MEF2B: variants seen among roughly 807,000 people sequenced by gnomAD.
MEF2B encodes myocyte-specific enhancer factor 2B.
A neutral mutation model predicts 32.2 loss-of-function variants in MEF2B; 15 were observed. The observed-to-expected ratio is 0.47, with a 90% CI of 0.31 to 0.72. MEF2B has a LOEUF of 0.72. MEF2B is among the 30% of genes least tolerant of loss of function. The pLI is 0.05. For missense variants in MEF2B, 441 were observed against 511.5 expected, an observed-to-expected ratio of 0.86 and a Z score of 1.33; for synonymous variants, 205 against 225.6, an observed-to-expected ratio of 0.91 and a Z score of 0.82.
At chr19:19,160,951 C>A (rs560842666) in intron 1 of MEF2B, among the ~76,000 whole-genome samples, 1 of 152,080 alleles carries the variant, frequency 6.6e-6, no homozygotes, top group Non-Finnish European at 1.5e-5. Context: ...GGTGACCTGG[C>A]GGCCTGGCTC....
chr19:19,169,831 T>C (rs2146392243), intron 1 of MEF2B, among the ~76,000 whole-genome samples: 1 of 152,088 alleles, frequency 6.6e-6, no homozygotes, highest in African/African-American at 2.4e-5. Context: ...GCGCTAATGC[T>C]AAAGGAGTGC....
At chr19:19,164,026 G>C (rs1224378825) in intron 1 of MEF2B, among the ~76,000 whole-genome samples, 1 of 151,936 alleles carries the variant, frequency 6.6e-6, no homozygotes, top group African/African-American at 2.4e-5. Context: ...AAGTGCAGTG[G>C]TGCGATCTCA....
rs549995998 is a variant in MEF2B, at chr19:19,157,531, C to T, written c.-29-6767G>A. Among the ~76,000 whole-genome samples, 9 of 152,260 alleles carry T rather than the reference C, an allele frequency of 5.9e-5. No individual in the cohort carries two copies. The South Asian group carries it at 1.9e-3, about 32-fold the overall frequency. On this transcript the variant is annotated intron_variant, in intron 1 of 8. Transcript: ENST00000424583. ...AAGATGCACTGTGTGATTTTATTTACATGAAGTTTCAGAACAATCAAAACT... is the reference window on the plus strand; with the variant it reads ...AAGATGCACTGTGTGATTTTATTTATATGAAGTTTCAGAACAATCAAAACT...
intron 1 of MEF2B, among the ~76,000 whole-genome samples, chr19:19,157,838 ACT>A (rs1287087746): frequency 6.6e-6 from 1 of 151,984 alleles, no homozygotes; most frequent in African/African-American, 2.4e-5. Context: ...ACAGAGCGAG[ACT>A]CTGTGTCAAA....
intron 1 of MEF2B, among the ~76,000 whole-genome samples, chr19:19,164,839 C>T (rs1490099458): frequency 6.6e-6 from 1 of 152,176 alleles, no homozygotes; most frequent in Admixed American, 6.5e-5. Flanking sequence ...CCCTCTCAGG[C>T]CCCTAGTGAT....
intron 1 of MEF2B, among the ~76,000 whole-genome samples, chr19:19,166,018 C>T (rs956273741): frequency 8.5e-5 from 13 of 152,094 alleles, no homozygotes; most frequent in South Asian, 4.1e-4. Flanking sequence ...ACTGTCTGCC[C>T]GGGCCCACAC....
intron 1 of MEF2B, among the ~76,000 whole-genome samples, chr19:19,162,600 C>A (rs936714956): frequency 3.3e-5 from 5 of 152,292 alleles, no homozygotes; most frequent in East Asian, 1.9e-4. Context: ...CCTCTGGCAC[C>A]CATGGGGAAA....
intron 1 of MEF2B, among the ~76,000 whole-genome samples, chr19:19,161,889 C>T (rs1035052111): frequency 2.6e-5 from 4 of 151,616 alleles, no homozygotes; most frequent in African/African-American, 9.7e-5. Flanking sequence ...CTCCCTGCAA[C>T]CCCTGCCTCC....
rs2146348810 is a variant in MEF2B at position 19,145,993 on chromosome 19, G to A, written c.911C>T (p.Pro304Leu). The A allele has an allele frequency of 7.0e-7, 1 of 1,435,374 alleles. No individual in the cohort carries two copies. The highest frequency in any genetic ancestry group is 9.1e-7 in the Non-Finnish European group (1 of 1,096,084). The allele number at this position is 1,435,374 out of a possible 1,614,324, so 88.9% of individuals were successfully genotyped here. Residue 304 changes from proline (P) to leucine (L), a missense_variant, in exon 9 of 9, where the codon CCC becomes CTC. Coordinates refer to ENST00000424583, the MANE Select transcript of MEF2B (RefSeq NM_001145785.2). The surrounding 1 kb of genome is among the most constrained non-coding windows in gnomAD (Gnocchi z 4.6). ...SGGRSLGEEG[P>L]PTRGASPPTP... ...CGGCGGGGAGGCGCCGCGGGTTGGG[G>A]GACCCTCCTCGCCCAGGCTTCGGCC...
Position 19,146,551 on chromosome 19 carries a change from G to A in MEF2B, c.769+4C>T. 6.4e-7 allele frequency: 1 copy of A among 1,552,520 alleles called. No homozygotes were observed. The stretch of plus-strand genomic sequence containing the variant: ...GGTGGGGCAGGGCAGGTTAGGGGAT[G>A]TACCTGGGGGGCCTCCGGGGAGGAA... On this transcript the variant is annotated splice_donor_region_variant and intron_variant, in intron 7 of 8. Transcript: ENST00000424583.
chr19:19,159,192 C>T (rs1192324685), intron 1 of MEF2B, among the ~76,000 whole-genome samples: 4 of 147,560 alleles, frequency 2.7e-5, no homozygotes, highest in African/African-American at 1.0e-4. Flanking sequence ...CCACCAGTCT[C>T]GGCCTCCCAA....
chr19:19,146,388 G>A lies in MEF2B; in HGVS notation c.770-4C>T. 2.7e-6 allele frequency: 3 copies of A among 1,105,738 alleles called. No homozygotes were observed. Among genetic ancestry groups the A allele is most frequent in the Non-Finnish European group, 3.7e-6 (3 of 814,796 alleles). The allele number at this position is 1,105,738 out of a possible 1,614,324, so 68.5% of individuals were successfully genotyped here. A position where few individuals can be genotyped will look rare whatever the true frequency, so the allele number is the denominator to read the frequency against. ...GGAGGGTCTCCCAGGCCATATTCTGGTGGGCAGGAATTGGGGGCTGAGGCC... is the reference window on the plus strand; with the variant it reads ...GGAGGGTCTCCCAGGCCATATTCTGATGGGCAGGAATTGGGGGCTGAGGCC... On this transcript the variant is annotated splice_polypyrimidine_tract_variant and splice_region_variant and intron_variant, in intron 7 of 8. Coordinates refer to ENST00000424583, the MANE Select transcript of MEF2B (RefSeq NM_001145785.2).
chr19:19,146,495 C>T (rs1778533954), intron 7 of MEF2B, 60 bp downstream of exon 7: 8 of 1,451,674 alleles, frequency 5.5e-6, no homozygotes, highest in Middle Eastern at 1.8e-4. Context: ...GGTGTGGAAC[C>T]CCCAGAGGGC....
At chr19:19,147,913 C>A in intron 3 of MEF2B, 81 bp from the exon 4 acceptor site, 1 of 1,518,666 alleles carries the variant, frequency 6.6e-7, no homozygotes, top group South Asian at 1.3e-5. Flanking sequence ...AGGGGACAGA[C>A]CATCCCCACC....
Position 19,163,231 on chromosome 19 carries a change from C to G in MEF2B, c.-30+6974G>C, listed in dbSNP as rs2060180287. Reference sequence around the variant, plus strand: ...AGTGCAGTGGTGTGGTCTCGACTCACTGCAGCCTGGCCCTCCCGGACTCAA... The same window carrying G: ...AGTGCAGTGGTGTGGTCTCGACTCAGTGCAGCCTGGCCCTCCCGGACTCAA... On this transcript the variant is annotated intron_variant, in intron 1 of 8. Transcript: ENST00000424583. Among the ~76,000 whole-genome samples the G allele has an allele frequency of 2.0e-5, 3 of 152,124 alleles. No homozygotes were observed. In the South Asian group the frequency reaches 6.2e-4, roughly 32 times the overall value.
At chr19:19,150,198 A>C (rs1305940354) in intron 2 of MEF2B, among the ~76,000 whole-genome samples, 2 of 124,316 alleles carry the variant, frequency 1.6e-5, no homozygotes, top group South Asian at 3.1e-4. Flanking sequence ...GAAGGAAGGA[A>C]GGAAGGAAGG....
chr19:19,164,464 C>G (rs922737521), intron 1 of MEF2B, among the ~76,000 whole-genome samples: 1 of 152,174 alleles, frequency 6.6e-6, no homozygotes, highest in Non-Finnish European at 1.5e-5. Context: ...AAAACCACGT[C>G]CAGGTGACCA....
intron 1 of MEF2B, among the ~76,000 whole-genome samples, chr19:19,165,982 A>G (rs1247710000): frequency 6.6e-6 from 1 of 152,116 alleles, no homozygotes; most frequent in Non-Finnish European, 1.5e-5. Flanking sequence ...CACAGCCCAG[A>G]TGGGACCTTC....
In MEF2B at chr19:19,149,402, G is replaced by C. The variant is rs759640726; in HGVS notation, c.82C>G (p.Leu28Val). 1 of 1,614,034 alleles carries C rather than the reference G, an allele frequency of 6.2e-7. No homozygotes were observed. ...QVTFTKRKFG[L>V]MKKAYELSVL... ...CTCAGCTCATAGGCCTTCTTCATCA[G>C]CCCGAACTTCCGCTTGGTGAACGTC... The change falls in exon 3 of 9, where the codon CTG becomes GTG. Residue 28 changes from leucine to valine, a missense_variant. By Grantham distance (32) the Leu-to-Val change is conservative. This residue lies in a region of MEF2B where 115 missense variants were observed against 183.1 expected (regional missense o/e 0.63). Transcript: ENST00000424583.
Sources: gnomAD v4.1 joint callset for allele counts (sites outside exome capture counted in the v4.1 genomes callset) on GRCh38, gnomAD v4.1.1 for gene constraint, gnomAD v4.1.1 regional missense constraint, Gnocchi (gnomAD v3.1) non-coding constraint, MANE v1.5 for transcripts, NCBI Gene and HGNC (gene_info 2026-07-23, HGNC 2026-07-21) for gene names.